ELP4: variants seen among roughly 807,000 people sequenced by gnomAD.
ELP4 encodes elongator acetyltransferase complex subunit 4, also known as elongator complex protein 4.
A neutral mutation model predicts 48.9 loss-of-function variants in ELP4; 51 were observed. The ratio of observed to expected loss-of-function variants is 1.04; its 90% CI spans 0.83 to 1.32. The LOEUF is 1.32. Ranked by LOEUF, ELP4 falls within the 40% of genes most tolerant of loss-of-function variation. The probability of loss-of-function intolerance (pLI) is 0.00; values close to 1 mark genes in which losing one functional copy is unlikely to be tolerated. For missense variants in ELP4, 519 were observed against 514.6 expected, an observed-to-expected ratio of 1.01 and a Z score of -0.08; for synonymous variants, 210 against 189.2, an observed-to-expected ratio of 1.11 and a Z score of -0.90.
chr11:31,766,254 G>A (rs972481754), intron 9 of ELP4, among the ~76,000 whole-genome samples: 1 of 151,980 alleles, frequency 6.6e-6, no homozygotes, highest in African/African-American at 2.4e-5. Context: ...CAATAACCAC[G>A]GAAATATAAC....
chr11:31,577,320 G>A lies in ELP4; in HGVS notation c.382-17450G>A, dbSNP rs370908518. On this transcript the variant is annotated intron_variant, in intron 3 of 9. Transcript: ENST00000640961. Reference sequence around the variant, plus strand: ...AACCTACCAACCAAAAAAAGTCCAGGACCCGATGGATTAACAGCCAAATTC... The same window carrying A: ...AACCTACCAACCAAAAAAAGTCCAGAACCCGATGGATTAACAGCCAAATTC... 7.6e-4 allele frequency among the ~76,000 whole-genome samples: 116 copies of A among 152,232 alleles called. 3 individuals are homozygous for A. The South Asian group carries it at 0.022, about 29-fold the overall frequency.
chr11:31,719,906 G>C (rs1946923961), intron 9 of ELP4: 1 of 157,458 alleles, frequency 6.4e-6, no homozygotes, highest in African/African-American at 2.4e-5. Context: ...ATGTGTAAAT[G>C]CATATTCTCT....
chr11:31,540,378 CTGA>C (rs1325970480), intron 3 of ELP4, among the ~76,000 whole-genome samples: 2 of 152,166 alleles, frequency 1.3e-5, no homozygotes, highest in African/African-American at 2.4e-5. Context: ...AGCAAATTGG[CTGA>C]TAAGAATTTT....
At chr11:31,602,661 G>A (rs1329281282) in intron 4 of ELP4, among the ~76,000 whole-genome samples, 5 of 151,888 alleles carry the variant, frequency 3.3e-5, no homozygotes, top group African/African-American at 1.2e-4. Context: ...TTAAGAATAT[G>A]AATCCTTGAA....
intron 3 of ELP4, among the ~76,000 whole-genome samples, chr11:31,579,078 TAAAC>T (rs1401926072): frequency 3.3e-5 from 5 of 152,080 alleles, no homozygotes; most frequent in Non-Finnish European, 7.4e-5. Flanking sequence ...ACAAAGAGCT[TAAAC>T]AAATTTACAG....
intron 9 of ELP4, among the ~76,000 whole-genome samples, chr11:31,742,933 C>T (rs1947490226): frequency 6.6e-6 from 1 of 152,080 alleles, no homozygotes; most frequent in Admixed American, 6.5e-5. Context: ...GCTAAATGCT[C>T]CAATTAAAAG....
intron 6 of ELP4, among the ~76,000 whole-genome samples, chr11:31,629,959 C>A (rs1429759897): frequency 6.6e-6 from 1 of 151,952 alleles, no homozygotes; most frequent in African/African-American, 2.4e-5. Context: ...TTACAGATAT[C>A]TTACACTAAT....
At chr11:31,740,511 G>C (rs1947420411) in intron 9 of ELP4, among the ~76,000 whole-genome samples, 1 of 152,200 alleles carries the variant, frequency 6.6e-6, no homozygotes. Context: ...GAATCATTTA[G>C]ATGCAATTAA....
At chr11:31,601,528 C>T (rs1354183343) in intron 4 of ELP4, among the ~76,000 whole-genome samples, 1 of 152,024 alleles carries the variant, frequency 6.6e-6, no homozygotes, top group Non-Finnish European at 1.5e-5. Context: ...AGCATGAAAT[C>T]AATTTTCTGC....
chr11:31,730,005 C>T (rs531666863), intron 9 of ELP4, among the ~76,000 whole-genome samples: 53 of 152,058 alleles, frequency 3.5e-4, no homozygotes, highest in Non-Finnish European at 4.1e-4. Context: ...GTGGAAATAC[C>T]AATTCAACAC....
At chr11:31,689,580 C>T (rs1410336206) in intron 9 of ELP4, 1 of 152,068 alleles carries the variant, frequency 6.6e-6, no homozygotes, top group Non-Finnish European at 1.5e-5. Context: ...GGAAGAAAGA[C>T]TGAGAATTAC....
At chr11:31,644,411 G>A (rs1945160938) in intron 7 of ELP4, among the ~76,000 whole-genome samples, 1 of 151,660 alleles carries the variant, frequency 6.6e-6, no homozygotes, top group Non-Finnish European at 1.5e-5. Context: ...AATATATACT[G>A]AAGACCAAAG....
chr11:31,689,677 T>C (rs1946234660), intron 9 of ELP4, among the ~76,000 whole-genome samples: 1 of 152,156 alleles, frequency 6.6e-6, no homozygotes, highest in Admixed American at 6.5e-5. Context: ...ATGTACTGTA[T>C]GAAGTAGTAT....
At chr11:31,592,142 A>T (rs1957590327) in intron 3 of ELP4, among the ~76,000 whole-genome samples, 3 of 152,176 alleles carry the variant, frequency 2.0e-5, no homozygotes, top group African/African-American at 7.2e-5. Context: ...TGGGGGACTG[A>T]TGAAGGTAGA....
chr11:31,667,290 G>T (rs890431366), intron 9 of ELP4, among the ~76,000 whole-genome samples: 1 of 152,136 alleles, frequency 6.6e-6, no homozygotes, highest in Non-Finnish European at 1.5e-5. Flanking sequence ...CCCTTGGAAA[G>T]ATTCCTTTTA....
chr11:31,636,513 G>T (rs1450109208), intron 7 of ELP4, among the ~76,000 whole-genome samples: 4 of 151,738 alleles, frequency 2.6e-5, no homozygotes, highest in Non-Finnish European at 5.9e-5. Flanking sequence ...ACCCTTTATT[G>T]TACTTTTGGC....
intron 9 of ELP4, among the ~76,000 whole-genome samples, chr11:31,731,567 GGTGTGTGTGTGTGT>G (rs148076836): frequency 1.4e-5 from 2 of 142,760 alleles, no homozygotes; most frequent in East Asian, 4.1e-4. Flanking sequence ...CCATTAAGCA[GGTGTGTGTGTGTGT>G]GTGTGTGTGT....
At chr11:31,743,334 T>A (rs1211376161) in intron 9 of ELP4, among the ~76,000 whole-genome samples, 1 of 152,046 alleles carries the variant, frequency 6.6e-6, no homozygotes, top group African/African-American at 2.4e-5. Flanking sequence ...ATTAGACAGA[T>A]CAGCGAGACA....
chr11:31,623,390 T>TATATATATATAA (rs67986763), intron 5 of ELP4, among the ~76,000 whole-genome samples: 9,016 of 91,862 alleles, frequency 0.098, 970 homozygotes, highest in Non-Finnish European at 0.14. Flanking sequence ...TATATATATA[T>TATATATATATAA]AAAACTAGAA....
Sources: allele counts gnomAD v4.1 joint callset (sites outside exome capture counted in the v4.1 genomes callset), GRCh38; gene constraint gnomAD v4.1.1; transcripts MANE v1.5; gene names NCBI Gene and HGNC (gene_info 2026-07-23, HGNC 2026-07-21).